Variants in RBM20 observed in about 807,000 individuals in gnomAD.
The protein encoded by RBM20 is RNA-binding protein 20.
Under a neutral mutation model 110.1 loss-of-function variants are expected in RBM20, and 51 were observed. The ratio of observed to expected loss-of-function variants is 0.46; its 90% CI spans 0.37 to 0.59. The LOEUF (loss-of-function observed/expected upper bound fraction) is 0.59, where lower values mean the gene tolerates loss of function less well. Among genes scored for constraint, RBM20 ranks in the 20% least tolerant of loss-of-function variants. The pLI is 0.00. For missense variants in RBM20, 1,512 were observed against 1,574.9 expected, an observed-to-expected ratio of 0.96 and a Z score of 0.68; for synonymous variants, 589 against 618.2, an observed-to-expected ratio of 0.95 and a Z score of 0.70.
chr10:110,753,223 G>A (rs765615613), intron 1 of RBM20, among the ~76,000 whole-genome samples: 15 of 151,682 alleles, frequency 9.9e-5, no homozygotes, highest in Non-Finnish European at 1.3e-4. Flanking sequence ...GTGAGCCACC[G>A]TGCCTGGCGA....
At chr10:110,786,926 G>T (rs1029446115) in intron 5 of RBM20, among the ~76,000 whole-genome samples, 4 of 152,192 alleles carry the variant, frequency 2.6e-5, no homozygotes, top group East Asian at 1.9e-4. Flanking sequence ...CTCCATAAAG[G>T]GGGGTGGATG....
intron 1 of RBM20, among the ~76,000 whole-genome samples, chr10:110,677,444 G>A (rs765310817): frequency 1.3e-5 from 2 of 151,870 alleles, no homozygotes; most frequent in East Asian, 1.9e-4. Context: ...GCAGCCTCCC[G>A]AGTAGCTGGG....
chr10:110,822,459 A>T (rs767052224), intron 11 of RBM20: 4 of 456,942 alleles, frequency 8.8e-6, no homozygotes, highest in South Asian at 6.2e-5. Flanking sequence ...TTGTTTCAGG[A>T]TATTCTCTCA....
chr10:110,793,981 C>T (rs528669355), intron 5 of RBM20, among the ~76,000 whole-genome samples: 18 of 152,288 alleles, frequency 1.2e-4, no homozygotes, highest in African/African-American at 3.8e-4. Context: ...GGAATTACTG[C>T]GTAGCATGGT....
intron 1 of RBM20, among the ~76,000 whole-genome samples, chr10:110,693,516 C>T (rs1179936415): frequency 2.0e-5 from 3 of 152,130 alleles, no homozygotes; most frequent in African/African-American, 4.8e-5. Context: ...GGCATTCGTC[C>T]ATTTCAAACG....
chr10:110,669,326 G>C (rs1862227106), intron 1 of RBM20, among the ~76,000 whole-genome samples: 1 of 152,128 alleles, frequency 6.6e-6, no homozygotes, highest in Non-Finnish European at 1.5e-5. Context: ...GTTGTCTTTT[G>C]GGGAATAGGA....
At chr10:110,764,822 A>G (rs2097933941) in intron 1 of RBM20, among the ~76,000 whole-genome samples, 1 of 152,190 alleles carries the variant, frequency 6.6e-6, no homozygotes, top group Admixed American at 6.5e-5. Flanking sequence ...TATGTTTCAG[A>G]AAGGTAAGGT....
intron 1 of RBM20, among the ~76,000 whole-genome samples, chr10:110,705,996 C>T (rs1233886924): frequency 6.6e-6 from 1 of 151,806 alleles, no homozygotes. Flanking sequence ...GTGGGAGAAT[C>T]GCTTGACCTG....
intron 1 of RBM20, among the ~76,000 whole-genome samples, chr10:110,671,167 A>C (rs993149828): frequency 6.6e-6 from 1 of 152,224 alleles, no homozygotes; most frequent in Non-Finnish European, 1.5e-5. Flanking sequence ...CCACGTGGGC[A>C]TGTACACATA....
At chr10:110,665,877 A>G (rs993227578) in intron 1 of RBM20, among the ~76,000 whole-genome samples, 2 of 152,026 alleles carry the variant, frequency 1.3e-5, no homozygotes, top group Non-Finnish European at 2.9e-5. Context: ...GCACTTTGGG[A>G]GGCCAAGATG....
chr10:110,684,802 T>A (rs1164836530), intron 1 of RBM20, among the ~76,000 whole-genome samples: 2 of 152,248 alleles, frequency 1.3e-5, no homozygotes, highest in Non-Finnish European at 2.9e-5. Context: ...ACCATGTGTT[T>A]ATTTCACTAT....
At chr10:110,808,995 G>A (rs1470328078) in intron 7 of RBM20, among the ~76,000 whole-genome samples, 1 of 151,996 alleles carries the variant, frequency 6.6e-6, no homozygotes, top group Non-Finnish European at 1.5e-5. Flanking sequence ...CAGGAGGATT[G>A]CTTGAGCCCG....
At chr10:110,693,223 T>C (rs903408623) in intron 1 of RBM20, among the ~76,000 whole-genome samples, 1 of 152,200 alleles carries the variant, frequency 6.6e-6, no homozygotes, top group Non-Finnish European at 1.5e-5. Flanking sequence ...ATCATTTTTC[T>C]TTTCTTGTAC....
At chr10:110,769,582 T>C (rs991294028) in intron 1 of RBM20, among the ~76,000 whole-genome samples, 2 of 152,218 alleles carry the variant, frequency 1.3e-5, no homozygotes, top group Non-Finnish European at 1.5e-5. Context: ...GTTTTATAAT[T>C]AATTACATGT....
intron 7 of RBM20, 47 bp downstream of exon 7, chr10:110,799,965 A>C: frequency 6.5e-7 from 1 of 1,534,582 alleles, no homozygotes; most frequent in Non-Finnish European, 8.8e-7. Flanking sequence ...GCACCAGATG[A>C]GTTTCTCCTC....
chr10:110,659,735 C>T (rs1203987770), intron 1 of RBM20, among the ~76,000 whole-genome samples: 1 of 151,490 alleles, frequency 6.6e-6, no homozygotes, highest in African/African-American at 2.4e-5. Context: ...CTTTTCTTTC[C>T]TTTCCTCTTC....
intron 1 of RBM20, among the ~76,000 whole-genome samples, chr10:110,685,394 C>T (rs1862488339): frequency 6.6e-6 from 1 of 152,168 alleles, no homozygotes; most frequent in African/African-American, 2.4e-5. Flanking sequence ...GTCAGACTCG[C>T]AGGGACTTTC....
rs565814664 is a variant in RBM20, at chr10:110,685,963, T to C, written c.191+41318T>C. On this transcript the variant is annotated intron_variant, in intron 1 of 13. Coordinates refer to ENST00000369519, the MANE Select transcript of RBM20 (RefSeq NM_001134363.3). The stretch of plus-strand genomic sequence containing the variant: ...GAGACCCTTTAAATCCTCACAGGTA[T>C]TTAACGTAAGCCTGAGCGTATAGCT... Among the ~76,000 whole-genome samples, 27 of 152,330 alleles carry C rather than the reference T, an allele frequency of 1.8e-4. No homozygotes were observed. The South Asian group carries it at 5.6e-3, about 32-fold the overall frequency.
intron 5 of RBM20, 137 bp from the exon 6 acceptor site, chr10:110,797,371 A>AT (rs970576637): frequency 1.5e-5 from 12 of 827,556 alleles, no homozygotes; most frequent in African/African-American, 3.5e-5. Context: ...CTGTGAATGG[A>AT]TTTTTTCTGC....
Sources: gnomAD v4.1 joint callset for allele counts (sites outside exome capture counted in the v4.1 genomes callset) on GRCh38, gnomAD v4.1.1 for gene constraint, MANE v1.5 for transcripts, NCBI Gene and HGNC (gene_info 2026-07-23, HGNC 2026-07-21) for gene names.